PEPD: variants seen among roughly 807,000 people sequenced by gnomAD.
PEPD encodes the protein peptidase D.
Under a neutral mutation model 60.7 loss-of-function variants are expected in PEPD, and 53 were observed. The observed-to-expected ratio is 0.87, with a 90% CI of 0.70 to 1.10. The LOEUF (loss-of-function observed/expected upper bound fraction) is 1.10, where lower values mean the gene tolerates loss of function less well. Ranked by LOEUF, PEPD falls within the 50% of genes least tolerant of loss-of-function variation. PEPD has a pLI of 0.00. For synonymous variants in PEPD, 267 were observed against 284.1 expected, an observed-to-expected ratio of 0.94 and a Z score of 0.60; for missense variants, 711 against 711.9, an observed-to-expected ratio of 1.00 and a Z score of 0.01.
chr19:33,433,604 T>C (rs1969316402), intron 9 of PEPD, among the ~76,000 whole-genome samples: 1 of 152,198 alleles, frequency 6.6e-6, no homozygotes, highest in Admixed American at 6.5e-5. Flanking sequence ...ATGAGAAACA[T>C]TAAGAAGCGC....
chr19:33,418,320 G>C (rs1188200835), intron 9 of PEPD, among the ~76,000 whole-genome samples: 3 of 152,166 alleles, frequency 2.0e-5, no homozygotes, highest in Non-Finnish European at 4.4e-5. Context: ...TCAGAGTAAG[G>C]GCCATACAGT....
At chr19:33,438,755 G>A (rs1265713127) in intron 9 of PEPD, among the ~76,000 whole-genome samples, 3 of 152,186 alleles carry the variant, frequency 2.0e-5, no homozygotes, top group Admixed American at 6.5e-5. Context: ...TCATTCTGTC[G>A]CCCAGGCTGG....
chr19:33,519,719 C>T (rs750943069), intron 1 of PEPD, among the ~76,000 whole-genome samples: 10 of 152,186 alleles, frequency 6.6e-5, no homozygotes, highest in Non-Finnish European at 1.2e-4. Context: ...CTCTGTTTTG[C>T]CTCCCTCACC....
At chr19:33,510,347 T>A (rs1970898039) in intron 3 of PEPD, among the ~76,000 whole-genome samples, 1 of 149,102 alleles carries the variant, frequency 6.7e-6, no homozygotes, top group Non-Finnish European at 1.5e-5. Flanking sequence ...CTCCTCCATA[T>A]GGAGACAGAG....
At chr19:33,520,925 G>A (rs1482418908) in intron 1 of PEPD, among the ~76,000 whole-genome samples, 2 of 152,158 alleles carry the variant, frequency 1.3e-5, no homozygotes, top group African/African-American at 4.8e-5. Context: ...GTCTGAAGCC[G>A]CCACCTGGAA....
At chr19:33,501,828 G>C (rs371337722) in intron 3 of PEPD, among the ~76,000 whole-genome samples, 1 of 152,036 alleles carries the variant, frequency 6.6e-6, no homozygotes, top group Non-Finnish European at 1.5e-5. Context: ...TCAGCCTCCC[G>C]AAGTGCTGGG....
intron 9 of PEPD, among the ~76,000 whole-genome samples, chr19:33,417,146 A>G (rs1050525270): frequency 1.3e-5 from 2 of 152,252 alleles, no homozygotes; most frequent in Non-Finnish European, 2.9e-5. Flanking sequence ...AGTGTCGGCC[A>G]AGCTATGTGC....
At chr19:33,393,000 C>T (rs986343558) in intron 12 of PEPD, among the ~76,000 whole-genome samples, 56 of 152,238 alleles carry the variant, frequency 3.7e-4, no homozygotes, top group Non-Finnish European at 1.0e-4. Context: ...GGCTGTTGCC[C>T]GCCATTCACA....
At chr19:33,414,517 C>T (rs1194781411) in intron 9 of PEPD, among the ~76,000 whole-genome samples, 3 of 152,178 alleles carry the variant, frequency 2.0e-5, no homozygotes, top group African/African-American at 4.8e-5. Flanking sequence ...CCTGAGGCCT[C>T]GGCAACAGCT....
chr19:33,462,674 T>C (rs1969947959), intron 9 of PEPD, among the ~76,000 whole-genome samples: 1 of 152,236 alleles, frequency 6.6e-6, no homozygotes, highest in East Asian at 1.9e-4. Flanking sequence ...GCTGTTTTAC[T>C]GGCGGCTTTC....
chr19:33,432,056 G>A (rs1362722410), intron 9 of PEPD, among the ~76,000 whole-genome samples: 1 of 149,494 alleles, frequency 6.7e-6, no homozygotes, highest in Non-Finnish European at 1.5e-5. Flanking sequence ...AAGAGTCATA[G>A]GCTGAAGCTA....
chr19:33,452,190 C>G (rs1049740236), intron 9 of PEPD, among the ~76,000 whole-genome samples: 1 of 152,084 alleles, frequency 6.6e-6, no homozygotes, highest in Non-Finnish European at 1.5e-5. Context: ...CAGCTAAAAA[C>G]CAAAAGGTCA....
chr19:33,478,196 C>G (rs2145298048), intron 6 of PEPD, 106 bp from the exon 7 acceptor site: 1 of 780,772 alleles, frequency 1.3e-6, no homozygotes, highest in East Asian at 2.7e-5. Context: ...AAGAGGGTCC[C>G]ACACTTTAAT....
At chr19:33,450,217 C>A (rs1451503248) in intron 9 of PEPD, among the ~76,000 whole-genome samples, 1 of 152,220 alleles carries the variant, frequency 6.6e-6, no homozygotes, top group Non-Finnish European at 1.5e-5. Flanking sequence ...GGCTGAAGAA[C>A]TTGGAGGCTA....
At chr19:33,392,688 C>T (rs1430868795) in intron 12 of PEPD, among the ~76,000 whole-genome samples, 3 of 152,212 alleles carry the variant, frequency 2.0e-5, no homozygotes, top group African/African-American at 2.4e-5. Context: ...CTTGCCTTGG[C>T]GCAGAGCCAG....
intron 7 of PEPD, among the ~76,000 whole-genome samples, chr19:33,467,685 A>C (rs1254595291): frequency 6.6e-6 from 1 of 152,168 alleles, no homozygotes; most frequent in Non-Finnish European, 1.5e-5. Flanking sequence ...GGCCCAAAGA[A>C]TTCGCTTTGG....
chr19:33,391,258 A>G lies in PEPD; in HGVS notation c.1152+37T>C, dbSNP rs1200747242. The G allele has an allele frequency of 5.8e-6, 9 of 1,546,898 alleles. No individual in the cohort carries two copies. In the South Asian group the frequency reaches 9.1e-5, roughly 16 times the overall value. ...TGGGGGTCAGGCTCAGCGGCAGCTG[A>G]TGGGCAGGCCACTCCGCCTGCCATG... On this transcript the variant is annotated intron_variant, in intron 13 of 14. Coordinates refer to ENST00000244137, the MANE Select transcript of PEPD (RefSeq NM_000285.4).
At chr19:33,516,473 A>G (rs138204673) in intron 1 of PEPD, among the ~76,000 whole-genome samples, 2,290 of 152,098 alleles carry the variant, frequency 0.015, 16 homozygotes, top group Middle Eastern at 0.027. Context: ...GCTGCCCTGG[A>G]AACAACCAAG....
intron 9 of PEPD, among the ~76,000 whole-genome samples, chr19:33,430,878 G>A (rs1316115240): frequency 1.3e-5 from 2 of 152,028 alleles, no homozygotes; most frequent in Admixed American, 6.5e-5. Flanking sequence ...CGTCTGCCAC[G>A]CACACAGAGC....
Sources: gnomAD v4.1 joint callset for allele counts (sites outside exome capture counted in the v4.1 genomes callset) on GRCh38, gnomAD v4.1.1 for gene constraint, MANE v1.5 for transcripts, NCBI Gene and HGNC (gene_info 2026-07-23, HGNC 2026-07-21) for gene names.